The following PLCB4 variants were observed in gnomAD, a reference collection of about 807,000 sequenced individuals.
PLCB4 encodes phospholipase C beta 4.
A neutral mutation model predicts 178.8 loss-of-function variants in PLCB4; 77 were observed. The observed-to-expected ratio is 0.43, with a 90% CI of 0.36 to 0.52. The LOEUF is 0.52. PLCB4 is among the 20% of genes least tolerant of loss of function. The pLI is 0.00. For missense variants in PLCB4, 1,024 were observed against 1,453.4 expected, an observed-to-expected ratio of 0.70 and a Z score of 4.80; for synonymous variants, 496 against 490.8, an observed-to-expected ratio of 1.01 and a Z score of -0.14.
chr20:9,197,073 A>T (rs987879437), intron 2 of PLCB4, among the ~76,000 whole-genome samples: 1 of 152,220 alleles, frequency 6.6e-6, no homozygotes, highest in Non-Finnish European at 1.5e-5. Context: ...TGGCACATTA[A>T]TGGGTGAAAT....
intron 2 of PLCB4, among the ~76,000 whole-genome samples, chr20:9,120,788 G>A (rs1359700829): frequency 1.3e-5 from 2 of 152,072 alleles, no homozygotes; most frequent in Non-Finnish European, 2.9e-5. Flanking sequence ...ACCGTCAGGA[G>A]CCTCCTCCTC....
chr20:9,232,170 G>T (rs1374337069), intron 3 of PLCB4, among the ~76,000 whole-genome samples: 1 of 152,136 alleles, frequency 6.6e-6, no homozygotes, highest in African/African-American at 2.4e-5. Flanking sequence ...TTGAAGGAGG[G>T]TGATGACAAA....
At position 9,479,193 on chromosome 20, in the gene PLCB4, C is replaced by T. The variant is rs1474125791; in HGVS notation, c.*184C>T. On this transcript the variant is annotated 3_prime_UTR_variant, in exon 40 of 40. Coordinates refer to ENST00000378473, the MANE Select transcript of PLCB4 (RefSeq NM_001377142.1). Reference sequence around the variant, plus strand: ...TGAGTATTGCATTTCCTTGGCCAAACAAAAATAGCTACAAATCCACAAAAA... The same window carrying T: ...TGAGTATTGCATTTCCTTGGCCAAATAAAAATAGCTACAAATCCACAAAAA... 1.7e-6 allele frequency: 1 copy of T among 577,508 alleles called. No individual in the cohort carries two copies. 35.8% of individuals were successfully genotyped at this position (577,508 alleles called of 1,614,324 possible).
intron 7 of PLCB4, among the ~76,000 whole-genome samples, chr20:9,355,731 A>C (rs1057211520): frequency 1.3e-5 from 2 of 151,380 alleles, no homozygotes; most frequent in African/African-American, 4.8e-5. Context: ...AGTCTTTGCT[A>C]TTGTGAATAG....
chr20:9,090,461 C>T (rs1324237569), intron 1 of PLCB4, among the ~76,000 whole-genome samples: 1 of 150,220 alleles, frequency 6.7e-6, no homozygotes, highest in Non-Finnish European at 1.5e-5. Flanking sequence ...TGTGCTTTGT[C>T]ACCCGATAAC....
intron 2 of PLCB4, among the ~76,000 whole-genome samples, chr20:9,126,634 C>A (rs571752206): frequency 6.6e-6 from 1 of 152,224 alleles, no homozygotes; most frequent in East Asian, 1.9e-4. Flanking sequence ...TGCATCATTG[C>A]ACAAGCTAAC....
rs756444470 is a variant in PLCB4 at position 9,453,469 on chromosome 20, C to T, written c.2996+7C>T. On this transcript the variant is annotated splice_region_variant and intron_variant, in intron 33 of 39. Transcript: ENST00000378473. ...AGGCAATGAAGAAGAAGGGGTAATA[C>T]TGTTTATTTCCTTCTGAAGACTTTC... 4.7e-5 allele frequency: 68 copies of T among 1,433,450 alleles called. 2 individuals carry two copies. In the South Asian group the frequency reaches 7.4e-4, roughly 16 times the overall value. The allele number at this position is 1,433,450 out of a possible 1,614,324, so 88.8% of individuals were successfully genotyped here. A position where few individuals can be genotyped will look rare whatever the true frequency, so the allele number is the denominator to read the frequency against.
chr20:9,282,670 T>A (rs2147704084), intron 3 of PLCB4, among the ~76,000 whole-genome samples: 1 of 152,168 alleles, frequency 6.6e-6, no homozygotes, highest in Non-Finnish European at 1.5e-5. Flanking sequence ...TTTTGTTGTG[T>A]AACAAACCAC....
At chr20:9,429,447 A>G (rs1010464179) in intron 28 of PLCB4, among the ~76,000 whole-genome samples, 2 of 152,240 alleles carry the variant, frequency 1.3e-5, no homozygotes, top group Non-Finnish European at 2.9e-5. Flanking sequence ...GTGAAATGTC[A>G]TATTGGCACC....
intron 4 of PLCB4, among the ~76,000 whole-genome samples, chr20:9,314,231 A>G (rs2048991410): frequency 6.6e-6 from 1 of 152,144 alleles, no homozygotes. Context: ...TGATTCAGAA[A>G]GCTCTAGGGA....
chr20:9,207,396 C>A (rs900924563), intron 2 of PLCB4, among the ~76,000 whole-genome samples: 1 of 152,176 alleles, frequency 6.6e-6, no homozygotes, highest in Non-Finnish European at 1.5e-5. Context: ...GAGTAAATGT[C>A]CTAACACAAG....
intron 2 of PLCB4, among the ~76,000 whole-genome samples, chr20:9,171,897 T>G (rs972903890): frequency 2.6e-5 from 4 of 152,172 alleles, no homozygotes; most frequent in Non-Finnish European, 4.4e-5. Flanking sequence ...TCTTCCATAT[T>G]TGGCAGAGTG....
chr20:9,334,739 T>G (rs1967193566), intron 4 of PLCB4, among the ~76,000 whole-genome samples: 1 of 152,020 alleles, frequency 6.6e-6, no homozygotes, highest in South Asian at 2.1e-4. Flanking sequence ...AGTGAGAGAT[T>G]GGCAGGGATA....
intron 2 of PLCB4, among the ~76,000 whole-genome samples, chr20:9,183,163 C>T (rs1420642410): frequency 1.3e-5 from 2 of 152,100 alleles, no homozygotes; most frequent in Non-Finnish European, 2.9e-5. Context: ...AGCCCAAGTC[C>T]CTCTTACAGC....
At chr20:9,438,972 G>T (rs1362248989) in intron 30 of PLCB4, among the ~76,000 whole-genome samples, 1 of 152,214 alleles carries the variant, frequency 6.6e-6, no homozygotes, top group Non-Finnish European at 1.5e-5. Flanking sequence ...CAACAGAAAG[G>T]GTGAAATTCA....
chr20:9,431,642 G>GTGTATGTT lies in PLCB4; in HGVS notation c.2525-3915_2525-3914insATGTTTGT, dbSNP rs1347058463. On this transcript the variant is annotated intron_variant, in intron 28 of 39. Coordinates refer to ENST00000378473, the MANE Select transcript of PLCB4 (RefSeq NM_001377142.1). ...CACCACACGGGGCCAATTTGTGTGT[G>GTGTATGTT]TGTGTGTTTGTGTGTGTGTGTGTGT... Among the ~76,000 whole-genome samples the GTGTATGTT allele has an allele frequency of 7.3e-5, 9 of 123,524 alleles. No homozygotes were observed. The East Asian group carries it at 2.5e-3, about 35-fold the overall frequency. The allele number at this position is 123,524 out of a possible 152,430, so 81.0% of individuals were successfully genotyped here. A position where few individuals can be genotyped will look rare whatever the true frequency, so the allele number is the denominator to read the frequency against.
intron 28 of PLCB4, among the ~76,000 whole-genome samples, chr20:9,424,250 CA>C (rs532305869): frequency 5.9e-5 from 9 of 151,976 alleles, no homozygotes; most frequent in Non-Finnish European, 1.3e-4. Flanking sequence ...TTTATATTGA[CA>C]ATCAGACTAG....
At chr20:9,102,836 TG>T (rs2091216851) in intron 2 of PLCB4, among the ~76,000 whole-genome samples, 1 of 152,148 alleles carries the variant, frequency 6.6e-6, no homozygotes, top group African/African-American at 2.4e-5. Flanking sequence ...CCATGTTCTC[TG>T]GGGTTTAAAG....
intron 4 of PLCB4, among the ~76,000 whole-genome samples, chr20:9,326,445 A>G (rs1347652923): frequency 6.6e-6 from 1 of 152,168 alleles, no homozygotes; most frequent in Non-Finnish European, 1.5e-5. Flanking sequence ...TTAAATGCTC[A>G]TGGTTGATTA....
Sources: allele counts gnomAD v4.1 joint callset (sites outside exome capture counted in the v4.1 genomes callset), GRCh38; gene constraint gnomAD v4.1.1; transcripts MANE v1.5; gene names NCBI Gene and HGNC (gene_info 2026-07-23, HGNC 2026-07-21).